Variants in TFDP2 observed in about 807,000 individuals in gnomAD.
TFDP2 encodes the protein transcription factor Dp-2.
Under a neutral mutation model 59.3 loss-of-function variants are expected in TFDP2, and 17 were observed. That is an observed-to-expected ratio of 0.29 (90% confidence interval 0.20 to 0.43). The LOEUF is 0.43. Ranked by LOEUF, TFDP2 falls within the 20% of genes least tolerant of loss-of-function variation. TFDP2 has a pLI of 1.00. For missense variants in TFDP2, 391 were observed against 528.8 expected (o/e 0.74, Z 2.56); for synonymous variants, 180 against 194.7 (o/e 0.92, Z 0.63).
intron 3 of TFDP2, among the ~76,000 whole-genome samples, chr3:142,091,162 C>T (rs758977267): frequency 8.5e-5 from 13 of 152,160 alleles, no homozygotes; most frequent in Non-Finnish European, 1.6e-4. Flanking sequence ...TAATCCTGAC[C>T]TTAAGCAGCC....
In TFDP2 at chr3:141,960,188, G is replaced by A. The variant is rs11569273; in HGVS notation, c.885-348C>T. ...AAAAGCCTTTCTACTTTAATATTAC[G>A]ATATCCCTATTCCGAGTTGGCCTGT... is the stretch of plus-strand genomic sequence containing the variant. On this transcript the variant is annotated intron_variant, in intron 10 of 12. Coordinates refer to ENST00000489671, the MANE Select transcript of TFDP2 (RefSeq NM_001178139.2). Among the ~76,000 whole-genome samples, 742 of 152,134 alleles carry A rather than the reference G, an allele frequency of 4.9e-3. 6 individuals carry two copies. Among genetic ancestry groups the A allele is most frequent in the African/African-American group, 0.016 (680 of 41,492 alleles).
At chr3:142,138,926 T>C (rs1315625398) in intron 1 of TFDP2, among the ~76,000 whole-genome samples, 2 of 152,230 alleles carry the variant, frequency 1.3e-5, no homozygotes, top group Non-Finnish European at 2.9e-5. Context: ...GATATCTTTG[T>C]TAGTCTTCTG....
chr3:142,056,912 C>T (rs538544292), intron 3 of TFDP2, among the ~76,000 whole-genome samples: 2 of 152,324 alleles, frequency 1.3e-5, no homozygotes, highest in East Asian at 1.9e-4. Flanking sequence ...GAAATACCTA[C>T]GTAAGCCACT....
rs72995068 is a variant in TFDP2, at chr3:142,066,324, G to A, written c.82+26737C>T. On this transcript the variant is annotated intron_variant, in intron 3 of 12. Coordinates refer to ENST00000489671, the MANE Select transcript of TFDP2 (RefSeq NM_001178139.2). Reference sequence around the variant, plus strand: ...GATGCTATGAAGGTAAGTATGATGCGGTTACATCCTGATAAACCCATTGTA... The same window carrying A: ...GATGCTATGAAGGTAAGTATGATGCAGTTACATCCTGATAAACCCATTGTA... Among the ~76,000 whole-genome samples, 974 of 152,208 alleles carry A rather than the reference G, an allele frequency of 6.4e-3. 14 individuals are homozygous for A. Among genetic ancestry groups the A allele is most frequent in the African/African-American group, 0.022 (905 of 41,514 alleles).
At chr3:142,062,255 C>A (rs1441209136) in intron 3 of TFDP2, among the ~76,000 whole-genome samples, 1 of 151,892 alleles carries the variant, frequency 6.6e-6, no homozygotes, top group East Asian at 1.9e-4. Context: ...TTCATGTTAT[C>A]GGTAAGGCTT....
At chr3:141,962,126 T>C (rs1576466973) in intron 10 of TFDP2, among the ~76,000 whole-genome samples, 1 of 152,024 alleles carries the variant, frequency 6.6e-6, no homozygotes, top group African/African-American at 2.4e-5. Context: ...GTATTTTTAG[T>C]AGCCACAGGG....
At chr3:142,069,575 T>G (rs1352424051) in intron 3 of TFDP2, among the ~76,000 whole-genome samples, 1 of 152,080 alleles carries the variant, frequency 6.6e-6, no homozygotes, top group Non-Finnish European at 1.5e-5. Flanking sequence ...CTTACACCCT[T>G]GACAAGAGTG....
chr3:141,988,569 G>A (rs1559981134), intron 6 of TFDP2, among the ~76,000 whole-genome samples: 1 of 151,890 alleles, frequency 6.6e-6, no homozygotes, highest in East Asian at 1.9e-4. Context: ...GCTATTCTCT[G>A]CAGCAACACT....
At chr3:142,140,211 C>G (rs911820890) in intron 1 of TFDP2, among the ~76,000 whole-genome samples, 1 of 152,160 alleles carries the variant, frequency 6.6e-6, no homozygotes, top group Admixed American at 6.6e-5. Flanking sequence ...TGGTTTTCAG[C>G]TCCATCAGGT....
chr3:142,131,294 T>A (rs1345619226), intron 1 of TFDP2, among the ~76,000 whole-genome samples: 1 of 150,102 alleles, frequency 6.7e-6, no homozygotes, highest in Non-Finnish European at 1.5e-5. Flanking sequence ...TTTCATAACA[T>A]AATTTATAAA....
Position 141,952,896 on chromosome 3 carries a change from G to A in TFDP2, c.1157+15C>T. ...CTCTGGGGTTTGCCTTTCTAACCCT[G>A]AAAAAAATACGTACCTTGACTGGGG... On this transcript the variant is annotated intron_variant, in intron 12 of 12. Coordinates refer to ENST00000489671, the MANE Select transcript of TFDP2 (RefSeq NM_001178139.2). 6.2e-7 allele frequency: 1 copy of A among 1,612,186 alleles called. No individual in the cohort carries two copies. The highest frequency in any genetic ancestry group is 8.5e-7 in the Non-Finnish European group (1 of 1,178,358).
chr3:142,048,139 G>C (rs74953113), intron 3 of TFDP2, among the ~76,000 whole-genome samples: 1 of 152,256 alleles, frequency 6.6e-6, no homozygotes, highest in African/African-American at 2.4e-5. Flanking sequence ...GATTAGCTGG[G>C]TGTGGTGGCT....
At position 142,077,268 on chromosome 3, in the gene TFDP2, C is replaced by T. The variant is rs370977874; in HGVS notation, c.82+15793G>A. 5.9e-5 allele frequency among the ~76,000 whole-genome samples: 9 copies of T among 152,322 alleles called. No individual in the cohort carries two copies. In the East Asian group the frequency reaches 1.2e-3, roughly 20 times the overall value. ...GCAGTCTAGGCCAAAAAGACTACAA[C>T]TCTTCAGCAAGTCCTAGTGCTGTGC... On this transcript the variant is annotated intron_variant, in intron 3 of 12. Transcript: ENST00000489671.
At chr3:141,979,357 A>G (rs1309262502) in intron 6 of TFDP2, among the ~76,000 whole-genome samples, 2 of 152,252 alleles carry the variant, frequency 1.3e-5, no homozygotes, top group African/African-American at 4.8e-5. Context: ...TTACTAAACT[A>G]TACTTTTCAT....
At chr3:141,998,256 G>A (rs1227873964) in intron 4 of TFDP2, among the ~76,000 whole-genome samples, 1 of 152,118 alleles carries the variant, frequency 6.6e-6, no homozygotes, top group Non-Finnish European at 1.5e-5. Flanking sequence ...CAGAATATAA[G>A]AAAATTGGTT....
At chr3:142,101,356 C>CAAAAAAAAAA (rs529718660) in intron 2 of TFDP2, among the ~76,000 whole-genome samples, 2 of 85,962 alleles carry the variant, frequency 2.3e-5, no homozygotes, top group Non-Finnish European at 5.0e-5. Context: ...CCTGAGTAAC[C>CAAAAAAAAAA]AAAAAAAAAA....
chr3:141,990,241 A>G (rs6440055), intron 6 of TFDP2, among the ~76,000 whole-genome samples: 135,762 of 152,038 alleles, frequency 0.89, 60,896 homozygotes, highest in East Asian at 0.99. Context: ...CTTAGCAGTG[A>G]GCATGAGGGA....
chr3:142,116,273 G>C (rs73233902), intron 1 of TFDP2, among the ~76,000 whole-genome samples: 12,964 of 152,012 alleles, frequency 0.085, 697 homozygotes, highest in Middle Eastern at 0.14. Context: ...CTATGTAGCC[G>C]AGGCTGGTCT....
intron 6 of TFDP2, among the ~76,000 whole-genome samples, chr3:141,981,819 T>C (rs1158694287): frequency 6.6e-6 from 1 of 152,078 alleles, no homozygotes; most frequent in Non-Finnish European, 1.5e-5. Flanking sequence ...TAAGAGAATA[T>C]GAATCCCCAA....
Sources: gnomAD v4.1 joint callset for allele counts (sites outside exome capture counted in the v4.1 genomes callset) on GRCh38, gnomAD v4.1.1 for gene constraint, MANE v1.5 for transcripts, NCBI Gene and HGNC (gene_info 2026-07-23, HGNC 2026-07-21) for gene names.